C8orf34: variants seen among roughly 807,000 people sequenced by gnomAD.
The protein encoded by C8orf34 is chromosome 8 open reading frame 34, also known as uncharacterized protein C8orf34.
In C8orf34, 65 loss-of-function variants were observed where a neutral mutation model predicts 68.3. The ratio of observed to expected loss-of-function variants is 0.95; its 90% CI spans 0.78 to 1.17. The LOEUF is 1.17. C8orf34 is among the 50% of genes most tolerant of loss of function. The pLI is 0.00. For synonymous variants in C8orf34, 244 were observed against 241.2 expected (o/e 1.01, Z -0.11); for missense variants, 664 against 655.4 (o/e 1.01, Z -0.14).
intron 10 of C8orf34, among the ~76,000 whole-genome samples, chr8:68,758,331 G>C (rs1034731857): frequency 6.6e-6 from 1 of 152,110 alleles, no homozygotes; most frequent in African/African-American, 2.4e-5. Flanking sequence ...GTTTCTGTGG[G>C]TCAGTAGATT....
intron 8 of C8orf34, among the ~76,000 whole-genome samples, chr8:68,703,447 T>C (rs1393802521): frequency 6.6e-6 from 1 of 152,050 alleles, no homozygotes; most frequent in African/African-American, 2.4e-5. Flanking sequence ...TCACCTCTTC[T>C]TGACAACTAT....
intron 8 of C8orf34, among the ~76,000 whole-genome samples, chr8:68,656,815 G>GT (rs1475772158): frequency 1.3e-5 from 2 of 152,012 alleles, no homozygotes; most frequent in Non-Finnish European, 2.9e-5. Flanking sequence ...CCTTTCCAAT[G>GT]TAAGTATTCA....
intron 8 of C8orf34, among the ~76,000 whole-genome samples, chr8:68,660,764 G>A (rs1177227421): frequency 5.9e-5 from 9 of 152,082 alleles, no homozygotes; most frequent in African/African-American, 1.4e-4. Context: ...CTCAAACAAC[G>A]GAGAGAAAAG....
chr8:68,717,201 AT>A lies in C8orf34; in HGVS notation c.1328-4155del, dbSNP rs1189813575. Among the ~76,000 whole-genome samples the A allele has an allele frequency of 5.9e-5, 9 of 152,120 alleles. No homozygotes were observed. In the East Asian group the frequency reaches 1.8e-3, roughly 30 times the overall value. Reference sequence around the variant, plus strand: ...AAACAAAAGCAAGTCACAGAATGCCATTTTTATAAAGCTCCAAAAAGCAAAT... The same window carrying A: ...AAACAAAAGCAAGTCACAGAATGCCATTTTATAAAGCTCCAAAAAGCAAAT... On this transcript the variant is annotated intron_variant, in intron 9 of 13. Coordinates refer to ENST00000518698, the MANE Select transcript of C8orf34 (RefSeq NM_052958.4).
At chr8:68,700,229 T>C (rs982623639) in intron 8 of C8orf34, among the ~76,000 whole-genome samples, 12 of 152,114 alleles carry the variant, frequency 7.9e-5, no homozygotes, top group Admixed American at 4.6e-4. Context: ...GTTGGAAATT[T>C]TTCTTGGAAA....
At chr8:68,417,473 T>C (rs1209071253) in intron 1 of C8orf34, among the ~76,000 whole-genome samples, 2 of 152,252 alleles carry the variant, frequency 1.3e-5, no homozygotes, top group East Asian at 3.9e-4. Context: ...TGGTTTTCAC[T>C]GTATGTCCTG....
chr8:68,804,585 A>G (rs1824429695), intron 12 of C8orf34, among the ~76,000 whole-genome samples: 2 of 152,086 alleles, frequency 1.3e-5, no homozygotes, highest in Non-Finnish European at 2.9e-5. Flanking sequence ...GTTTGAGACC[A>G]GCCTGGGCAA....
At chr8:68,648,969 G>A (rs1179991333) in intron 8 of C8orf34, among the ~76,000 whole-genome samples, 2 of 152,132 alleles carry the variant, frequency 1.3e-5, no homozygotes, top group Non-Finnish European at 2.9e-5. Flanking sequence ...GTTGACTTGA[G>A]AAAACCTATG....
chr8:68,727,441 A>G (rs1425735319), intron 10 of C8orf34, among the ~76,000 whole-genome samples: 2 of 152,098 alleles, frequency 1.3e-5, no homozygotes, highest in Admixed American at 6.5e-5. Flanking sequence ...GCAAGCTGTC[A>G]GTGGATCTAC....
chr8:68,714,793 C>T (rs950240833), intron 9 of C8orf34, among the ~76,000 whole-genome samples: 1 of 152,042 alleles, frequency 6.6e-6, no homozygotes, highest in African/African-American at 2.4e-5. Context: ...TCATATGGAA[C>T]CGAAAAAGAG....
intron 10 of C8orf34, among the ~76,000 whole-genome samples, chr8:68,757,196 A>T (rs888595751): frequency 2.0e-5 from 3 of 152,156 alleles, no homozygotes; most frequent in African/African-American, 7.2e-5. Flanking sequence ...AACTTTCAAA[A>T]TGAAGATTAA....
chr8:68,752,959 T>C (rs1480023900), intron 10 of C8orf34, among the ~76,000 whole-genome samples: 1 of 152,188 alleles, frequency 6.6e-6, no homozygotes, highest in Non-Finnish European at 1.5e-5. Flanking sequence ...ACCATCCATA[T>C]ATTTGTAGGT....
At position 68,566,943 on chromosome 8, in the gene C8orf34, C is replaced by T. The variant is rs374663863; in HGVS notation, c.1105+33794C>T. Among the ~76,000 whole-genome samples the T allele has an allele frequency of 3.9e-5, 6 of 152,240 alleles. No homozygotes were observed. The South Asian group carries it at 6.2e-4, about 16-fold the overall frequency. ...GTGGTGTATCACACTTATTGACTTG[C>T]GTATGTTAAACCATCCCTGCATCCC... On this transcript the variant is annotated intron_variant, in intron 7 of 13. Coordinates refer to ENST00000518698, the MANE Select transcript of C8orf34 (RefSeq NM_052958.4).
chr8:68,635,766 G>A (rs34419520), intron 7 of C8orf34, among the ~76,000 whole-genome samples: 49,699 of 152,020 alleles, frequency 0.33, 9,643 homozygotes, highest in Non-Finnish European at 0.43. Context: ...AACTATAAAT[G>A]TTAAAAGGTT....
chr8:68,449,871 C>T (rs1362039170), intron 3 of C8orf34, among the ~76,000 whole-genome samples: 1 of 152,016 alleles, frequency 6.6e-6, no homozygotes, highest in African/African-American at 2.4e-5. Context: ...TGCCAATGGA[C>T]TCATGGAGCC....
intron 1 of C8orf34, among the ~76,000 whole-genome samples, chr8:68,388,520 C>A (rs1003506035): frequency 1.3e-5 from 2 of 152,128 alleles, no homozygotes; most frequent in South Asian, 4.1e-4. Context: ...GGAATATGGA[C>A]TTTTATCTCC....
At chr8:68,412,722 ACT>A (rs908820645) in intron 1 of C8orf34, among the ~76,000 whole-genome samples, 2 of 151,296 alleles carry the variant, frequency 1.3e-5, no homozygotes, top group African/African-American at 2.4e-5. Context: ...GTTACCAATA[ACT>A]CTCTCCATTT....
intron 1 of C8orf34, among the ~76,000 whole-genome samples, chr8:68,393,137 G>T (rs1002076631): frequency 4.6e-5 from 7 of 152,120 alleles, no homozygotes; most frequent in Admixed American, 3.3e-4. Flanking sequence ...GTGAATTCAG[G>T]TGTAAGCAGG....
chr8:68,812,081 A>G (rs918255783), intron 12 of C8orf34, among the ~76,000 whole-genome samples: 43 of 152,206 alleles, frequency 2.8e-4, no homozygotes, highest in African/African-American at 1.0e-3. Context: ...AGGGAAAACA[A>G]CATATAAAGA....
Sources: gnomAD v4.1 joint callset for allele counts (sites outside exome capture counted in the v4.1 genomes callset) on GRCh38, gnomAD v4.1.1 for gene constraint, MANE v1.5 for transcripts, NCBI Gene and HGNC (gene_info 2026-07-23, HGNC 2026-07-21) for gene names.